SLC3A2: variants seen among roughly 807,000 people sequenced by gnomAD.
SLC3A2 encodes the protein solute carrier family 3 member 2.
A neutral mutation model predicts 48.5 loss-of-function variants in SLC3A2; 32 were observed. The observed-to-expected ratio is 0.66, with a 90% CI of 0.50 to 0.89. SLC3A2 has a LOEUF of 0.89. Among genes scored for constraint, SLC3A2 ranks in the 40% least tolerant of loss-of-function variants. The probability of loss-of-function intolerance (pLI) is 0.00; values close to 1 mark genes in which losing one functional copy is unlikely to be tolerated. For missense variants in SLC3A2, 587 were observed against 680.7 expected (o/e 0.86, Z 1.53); for synonymous variants, 277 against 288.8 (o/e 0.96, Z 0.41).
In SLC3A2 at chr11:62,881,390, C is replaced by T; in HGVS notation, c.367C>T (p.Leu123Phe). 6.3e-7 allele frequency: 1 copy of T among 1,596,592 alleles called. No homozygotes were observed. ...GCAGAAGTGGTGGCACACGGGCGCC[C>T]TCTACCGCATCGGCGACCTTCAGGC... is the stretch of plus-strand genomic sequence containing the variant. ...PAQKWWHTGA[L>F]YRIGDLQAFQ... is the part of the protein sequence containing the mutation. Residue 123 changes from leucine (L) to phenylalanine (F), a missense_variant, in exon 1 of 9, where the codon CTC (leucine) becomes TTC (phenylalanine). Leu to Phe is a conservative substitution (Grantham distance 22). This residue lies in a region of SLC3A2 where 409 missense variants were observed against 446.7 expected (regional missense o/e 0.92). Coordinates refer to ENST00000338663, the MANE Select transcript of SLC3A2 (RefSeq NM_001013251.3). The surrounding 1 kb of genome is among the most constrained non-coding windows in gnomAD (Gnocchi z 4.0).
At chr11:62,874,463 C>A (rs995181213) in intron 1 of SLC3A2, among the ~76,000 whole-genome samples, 1 of 152,094 alleles carries the variant, frequency 6.6e-6, no homozygotes, top group African/African-American at 2.4e-5. Context: ...GGATACTTTT[C>A]AGATGGTGCA....
At chr11:62,860,629 TC>T (rs2085389599) in intron 1 of SLC3A2, among the ~76,000 whole-genome samples, 2 of 152,262 alleles carry the variant, frequency 1.3e-5, no homozygotes, top group South Asian at 4.1e-4. Context: ...AAAGAGGCCT[TC>T]CTCTTTCACT....
rs545958183 is a variant in SLC3A2, at chr11:62,857,963, A to C, written c.112+1582A>C. The stretch of plus-strand genomic sequence containing the variant: ...AGATGGGCAAAAGGGGAGTATTAGA[A>C]TATAAAACTGGAAAGTATTTCCTGG... On this transcript the variant is annotated intron_variant, in intron 1 of 9. Transcript: ENST00000377889. Among the ~76,000 whole-genome samples the C allele has an allele frequency of 5.3e-5, 8 of 152,294 alleles. No homozygotes were observed. The South Asian group carries it at 1.7e-3, about 32-fold the overall frequency.
chr11:62,866,737 C>T (rs2085456749), intron 1 of SLC3A2, among the ~76,000 whole-genome samples: 1 of 152,130 alleles, frequency 6.6e-6, no homozygotes, highest in Non-Finnish European at 1.5e-5. Flanking sequence ...CTGTTCTTAT[C>T]CTCTAACATC....
At chr11:62,859,995 CTG>C (rs1245423824) in intron 1 of SLC3A2, among the ~76,000 whole-genome samples, 1 of 152,182 alleles carries the variant, frequency 6.6e-6, no homozygotes, top group Non-Finnish European at 1.5e-5. Context: ...GCACTGGTCT[CTG>C]AGTTCCCTCA....
chr11:62,875,041 G>A (rs920173972), intron 1 of SLC3A2, among the ~76,000 whole-genome samples: 3 of 152,146 alleles, frequency 2.0e-5, no homozygotes, highest in Non-Finnish European at 4.4e-5. Context: ...GGGATTACAG[G>A]CATGAGCCAC....
chr11:62,877,112 G>A (rs892731888), upstream of SLC3A2, among the ~76,000 whole-genome samples: 16 of 144,696 alleles, frequency 1.1e-4, no homozygotes, highest in African/African-American at 4.2e-4. Flanking sequence ...CCAGGTTGCA[G>A]TACAGTGGTG....
chr11:62,881,205 C>A lies in SLC3A2; in HGVS notation c.182C>A (p.Thr61Lys). Residue 61 changes from threonine (T) to lysine (K), a missense_variant, in exon 1 of 9, where the codon ACG becomes AAG. Thr to Lys is a moderately conservative substitution (Grantham distance 78). Coordinates refer to ENST00000338663, the MANE Select transcript of SLC3A2 (RefSeq NM_001013251.3). This position sits in a 1 kb window ranked among gnomAD's most constrained non-coding sequence, Gnocchi z 4.0. The part of the protein sequence containing the change: ...EAEAAAAAKF[T>K]GLSKEELLKV... ...GAGGCGGCAGCCGCGGCTAAGTTCA[C>A]GGGCCTGTCCAAGGAGGAGCTGCTG... 1 of 1,590,378 alleles carries A rather than the reference C, an allele frequency of 6.3e-7. No individual in the cohort carries two copies. The highest frequency in any genetic ancestry group is 8.5e-7 in the Non-Finnish European group (1 of 1,170,300).
rs181600994 is a variant in SLC3A2, at chr11:62,868,466, C to T, written c.112+12085C>T. 1.2e-4 allele frequency among the ~76,000 whole-genome samples: 17 copies of T among 147,576 alleles called. No homozygotes were observed. In the East Asian group the frequency reaches 3.3e-3, roughly 29 times the overall value. On this transcript the variant is annotated intron_variant, in intron 1 of 9. Coordinates refer to the SLC3A2 transcript ENST00000377889. ...CTGCAACCTCTGCCTCCTGGGTTCA[C>T]GCCATTCTCCTGCCTCAGCCTCCTG... is the stretch of plus-strand genomic sequence containing the variant.
At chr11:62,862,769 A>G (rs2085415270) in intron 1 of SLC3A2, among the ~76,000 whole-genome samples, 1 of 152,068 alleles carries the variant, frequency 6.6e-6, no homozygotes, top group Non-Finnish European at 1.5e-5. Context: ...TTACCAAATG[A>G]TTTTGCTCTT....
intron 1 of SLC3A2, among the ~76,000 whole-genome samples, chr11:62,866,526 G>T (rs571040959): frequency 6.6e-6 from 1 of 152,196 alleles, no homozygotes; most frequent in Admixed American, 6.6e-5. Flanking sequence ...CTCCCAAGTA[G>T]CTGGGATTAC....
Position 62,888,466 on chromosome 11 carries a change from C to A in SLC3A2, c.1363C>A (p.His455Asn). The change falls in exon 9 of 9, where the codon CAC becomes AAC. Residue 455 changes from histidine (H) to asparagine (N), a missense_variant. His to Asn is a moderately conservative substitution (Grantham distance 68). Transcript: ENST00000338663. Reference sequence around the variant, plus strand: ...GCCTGGACTCTTCTCCTATATCCGCCACTGGGACCAGAATGAGCGTTTTCT... The same window carrying A: ...GCCTGGACTCTTCTCCTATATCCGCAACTGGGACCAGAATGAGCGTTTTCT... Reference protein sequence around the residue: ...AGPGLFSYIRHWDQNERFLVV... With the variant: ...AGPGLFSYIRNWDQNERFLVV... 6.2e-7 allele frequency: 1 copy of A among 1,614,244 alleles called. No individual in the cohort carries two copies. The highest frequency in any genetic ancestry group is 1.1e-5 in the South Asian group (1 of 91,082).
In SLC3A2 at chr11:62,871,673, A is replaced by T. The variant is rs1590625249; in HGVS notation, c.113-9346A>T. On this transcript the variant is annotated intron_variant, in intron 1 of 9. Coordinates refer to the SLC3A2 transcript ENST00000377889. ...TCCAAGAATGCTGAGGTTACAGGTA[A>T]TTATTATTTTAGCAAATAACATGCT... 9.8e-6 allele frequency: 6 copies of T among 612,856 alleles called. No homozygotes were observed. The East Asian group carries it at 1.8e-4, about 19-fold the overall frequency. The allele number at this position is 612,856 out of a possible 1,614,324, so 38.0% of individuals were successfully genotyped here.
intron 4 of SLC3A2, 28 bp downstream of exon 4, chr11:62,884,553 A>G (rs2085682329): frequency 6.2e-7 from 1 of 1,614,060 alleles, no homozygotes; most frequent in Non-Finnish European, 8.5e-7. Flanking sequence ...ATTAGGGACA[A>G]AGCTTGGGCG....
exon 1 of SLC3A2, chr11:62,856,219 T>G: frequency 6.8e-7 from 1 of 1,472,020 alleles, no homozygotes; most frequent in Non-Finnish European, 9.4e-7. Flanking sequence ...AACCCTGTTC[T>G]GAGCTGCCCC....
At chr11:62,867,706 C>T (rs1460018709) in intron 1 of SLC3A2, among the ~76,000 whole-genome samples, 1 of 151,656 alleles carries the variant, frequency 6.6e-6, no homozygotes, top group Non-Finnish European at 1.5e-5. Context: ...GTCTCAAACT[C>T]TTGGCCACAA....
rs771408449 is a variant in SLC3A2, at chr11:62,884,486, C to T, written c.720C>T (p.Gly240=). ...KDALEFWLQA[G]VDGFQVRDIE... ...CTCTGGAGTTTTGGCTGCAAGCTGG[C>T]GTGGATGGGTTCCAGGTTCGGGACA... Residue 240 remains glycine, a synonymous_variant, in exon 4 of 9, where the codon GGC becomes GGT. Transcript: ENST00000338663. 1.7e-5 allele frequency: 28 copies of T among 1,614,010 alleles called. No homozygotes were observed. Among genetic ancestry groups the T allele is most frequent in the African/African-American group, 1.2e-4 (9 of 74,900 alleles).
exon 1 of SLC3A2, chr11:62,856,168 C>T (rs1389921408): frequency 6.6e-6 from 6 of 914,914 alleles, no homozygotes; most frequent in African/African-American, 5.0e-5. Flanking sequence ...ATCACTGCCT[C>T]ACGGCGATCC....
chr11:62,857,395 A>G (rs2085345757), intron 1 of SLC3A2, among the ~76,000 whole-genome samples: 1 of 152,124 alleles, frequency 6.6e-6, no homozygotes, highest in Admixed American at 6.6e-5. Context: ...AACTGCTGGG[A>G]TTACAGGGGT....
Sources: allele counts gnomAD v4.1 joint callset (sites outside exome capture counted in the v4.1 genomes callset), GRCh38; gene constraint gnomAD v4.1.1; regional missense constraint gnomAD v4.1.1; non-coding constraint Gnocchi (gnomAD v3.1); transcripts MANE v1.5; gene names NCBI Gene and HGNC (gene_info 2026-07-23, HGNC 2026-07-21).